The following ME1 variants were observed in gnomAD, a reference collection of about 807,000 sequenced individuals.
The protein encoded by ME1 is NADP-dependent malic enzyme.
In ME1, 74 loss-of-function variants were observed where a neutral mutation model predicts 66.4. The observed-to-expected ratio is 1.11, with a 90% CI of 0.92 to 1.35. The LOEUF (loss-of-function observed/expected upper bound fraction) is 1.35. Among genes scored for constraint, ME1 ranks in the 40% most tolerant of loss-of-function variants. The probability of loss-of-function intolerance (pLI) is 0.00; values close to 1 mark genes in which losing one functional copy is unlikely to be tolerated. For missense variants in ME1, 750 were observed against 694.1 expected (o/e 1.08, Z -0.90); for synonymous variants, 251 against 235.6 (o/e 1.07, Z -0.60).
At chr6:83,359,324 A>G (rs181066806) in intron 3 of ME1, among the ~76,000 whole-genome samples, 158 of 152,312 alleles carry the variant, frequency 1.0e-3, no homozygotes, top group South Asian at 2.1e-3. Flanking sequence ...AGTGAGGTTG[A>G]AAGTGTGACC....
chr6:83,229,213 C>T (rs1415688378), intron 9 of ME1: 1 of 487,298 alleles, frequency 2.1e-6, no homozygotes, highest in Non-Finnish European at 3.9e-6. Context: ...CATGTGAGAA[C>T]TAGCATTAAC....
chr6:83,408,725 C>A (rs1434945401), intron 1 of ME1, among the ~76,000 whole-genome samples: 1 of 152,140 alleles, frequency 6.6e-6, no homozygotes. Context: ...AAAGTAATAT[C>A]AGAGCAGCTC....
chr6:83,238,478 T>C (rs1790453664), intron 8 of ME1, among the ~76,000 whole-genome samples: 2 of 152,122 alleles, frequency 1.3e-5, no homozygotes, highest in East Asian at 1.9e-4. Context: ...GCCTGTGCCA[T>C]TCATCAAACC....
intron 6 of ME1, among the ~76,000 whole-genome samples, chr6:83,286,825 C>G (rs980565145): frequency 1.3e-5 from 2 of 152,100 alleles, no homozygotes; most frequent in East Asian, 3.8e-4. Flanking sequence ...CCTCACAGTA[C>G]TCTATGACTA....
At chr6:83,252,467 T>C (rs553533281) in intron 7 of ME1, among the ~76,000 whole-genome samples, 87 of 152,280 alleles carry the variant, frequency 5.7e-4, no homozygotes, top group African/African-American at 2.0e-3. Context: ...GCCAGGCTAA[T>C]TTTTGTATTT....
rs373981488 is a variant in ME1, at chr6:83,398,435, C to T, written c.294G>A (p.Met98Ile). The change falls in exon 3 of 14, where the codon ATG becomes ATA. Residue 98 changes from methionine (M) to isoleucine (I), a missense_variant. Transcript: ENST00000369705. The part of the protein sequence containing the change: ...RVLTSDIEKF[M>I]PIVYTPTVGL... ...CCACAGTGGGAGTATAAACAATAGG[C>T]ATGAATTTCTCAATGTCAGATGTCA... 2.8e-5 allele frequency: 45 copies of T among 1,602,772 alleles called. No individual in the cohort carries two copies. In the African/African-American group the frequency reaches 5.8e-4, roughly 21 times the overall value.
intron 6 of ME1, among the ~76,000 whole-genome samples, chr6:83,266,810 C>T (rs554597652): frequency 6.6e-6 from 1 of 152,208 alleles, no homozygotes; most frequent in South Asian, 2.1e-4. Context: ...TGACATACTA[C>T]TAAAATTAGA....
At chr6:83,275,465 T>TG (rs1767160810) in intron 6 of ME1, among the ~76,000 whole-genome samples, 1 of 99,616 alleles carries the variant, frequency 1.0e-5, no homozygotes, top group African/African-American at 6.5e-5. Context: ...AGTTTTGATC[T>TG]TTTTTTTTTT....
intron 6 of ME1, among the ~76,000 whole-genome samples, chr6:83,291,236 C>A (rs575623743): frequency 6.6e-6 from 1 of 152,194 alleles, no homozygotes; most frequent in Non-Finnish European, 1.5e-5. Flanking sequence ...ACAATTTGGC[C>A]TGTTTTTGCA....
intron 7 of ME1, among the ~76,000 whole-genome samples, chr6:83,243,573 AATTAC>A (rs1401825233): frequency 1.8e-5 from 1 of 55,662 alleles, no homozygotes; most frequent in African/African-American, 1.2e-4. Context: ...AATCTATTAT[AATTAC>A]ATTATATCGA....
At chr6:83,422,110 G>T (rs1027812282) in intron 1 of ME1, among the ~76,000 whole-genome samples, 2 of 152,148 alleles carry the variant, frequency 1.3e-5, no homozygotes, top group Non-Finnish European at 2.9e-5. Flanking sequence ...CCATAAAGTT[G>T]TATATTAACT....
chr6:83,376,804 C>CAAAAAAAAAAAAAAAAAAAAAAAAA (rs70987750), intron 3 of ME1, among the ~76,000 whole-genome samples: 32 of 87,060 alleles, frequency 3.7e-4, no homozygotes, highest in Admixed American at 6.1e-4. Context: ...CCCTGTCTCA[C>CAAAAAAAAAAAAAAAAAAAAAAAAA]AAAAAAAAAA....
intron 1 of ME1, among the ~76,000 whole-genome samples, chr6:83,414,625 A>G (rs1770125239): frequency 6.6e-6 from 1 of 152,110 alleles, no homozygotes; most frequent in Non-Finnish European, 1.5e-5. Flanking sequence ...TTAAAAAAAG[A>G]AAGAACACCT....
intron 5 of ME1, among the ~76,000 whole-genome samples, chr6:83,341,712 A>G (rs1411698239): frequency 6.6e-6 from 1 of 152,098 alleles, no homozygotes; most frequent in Non-Finnish European, 1.5e-5. Flanking sequence ...GGAGGCGGGG[A>G]ATCTAAGGCC....
At chr6:83,262,122 A>G (rs1257193087) in intron 6 of ME1, among the ~76,000 whole-genome samples, 1 of 152,196 alleles carries the variant, frequency 6.6e-6, no homozygotes, top group African/African-American at 2.4e-5. Flanking sequence ...ACCAAGTATA[A>G]CAATAATGTG....
At chr6:83,372,232 A>G (rs1769203828) in intron 3 of ME1, among the ~76,000 whole-genome samples, 1 of 152,160 alleles carries the variant, frequency 6.6e-6, no homozygotes, top group Non-Finnish European at 1.5e-5. Context: ...GCTTTGACCC[A>G]TAAAATATGA....
chr6:83,384,692 A>G lies in ME1; in HGVS notation c.362+13675T>C, dbSNP rs542523964. Reference sequence around the variant, plus strand: ...TTGTTGCAGTTGCTTTTGGGAACTTAGTCATAAATTATTTGCCAAGGCCAA... The same window carrying G: ...TTGTTGCAGTTGCTTTTGGGAACTTGGTCATAAATTATTTGCCAAGGCCAA... On this transcript the variant is annotated intron_variant, in intron 3 of 13. Transcript: ENST00000369705. Among the ~76,000 whole-genome samples the G allele has an allele frequency of 8.8e-4, 133 of 151,904 alleles. 1 individual carries two copies. The highest frequency in any genetic ancestry group is 3.1e-3 in the African/African-American group (129 of 41,380).
intron 3 of ME1, among the ~76,000 whole-genome samples, chr6:83,385,671 C>A (rs919858826): frequency 6.6e-6 from 1 of 151,770 alleles, no homozygotes; most frequent in Non-Finnish European, 1.5e-5. Context: ...ATGTTAGAAA[C>A]ATGTCTACAT....
chr6:83,341,930 C>T (rs1768593157), intron 5 of ME1, among the ~76,000 whole-genome samples: 1 of 152,224 alleles, frequency 6.6e-6, no homozygotes, highest in Admixed American at 6.5e-5. Flanking sequence ...ACATCAGCCT[C>T]TGATTGGTTG....
Sources: allele counts gnomAD v4.1 joint callset (sites outside exome capture counted in the v4.1 genomes callset), GRCh38; gene constraint gnomAD v4.1.1; transcripts MANE v1.5; gene names NCBI Gene and HGNC (gene_info 2026-07-23, HGNC 2026-07-21).